Variants in PYGL observed in about 807,000 individuals in gnomAD.
PYGL encodes the protein glycogen phosphorylase L, also known as glycogen phosphorylase, liver form.
A neutral mutation model predicts 100.1 loss-of-function variants in PYGL; 90 were observed. The ratio of observed to expected loss-of-function variants is 0.90; its 90% CI spans 0.76 to 1.07. The LOEUF (loss-of-function observed/expected upper bound fraction) is 1.07. PYGL is among the 50% of genes least tolerant of loss of function. PYGL has a pLI of 0.00. For missense variants in PYGL, 1,016 were observed against 1,057.6 expected (o/e 0.96, Z 0.55); for synonymous variants, 373 against 393.0 (o/e 0.95, Z 0.60).
At position 50,910,811 on chromosome 14, in the gene PYGL, C is replaced by A. The variant is rs947367279; in HGVS notation, c.1970-709G>T. 3.3e-5 allele frequency among the ~76,000 whole-genome samples: 5 copies of A among 152,168 alleles called. No individual in the cohort carries two copies. In the South Asian group the frequency reaches 1.0e-3, roughly 32 times the overall value. ...TTTTCCTGCAGGGAAATAAGCCACA[C>A]GTAATTGAGGTGTGCCTGGGGCTAG... On this transcript the variant is annotated intron_variant, in intron 16 of 19. Coordinates refer to ENST00000216392, the MANE Select transcript of PYGL (RefSeq NM_002863.5).
chr14:50,924,111 A>G lies in PYGL; in HGVS notation c.529-11T>C, dbSNP rs201122669. The G allele has an allele frequency of 2.0e-4, 323 of 1,612,918 alleles. No homozygotes were observed. Among genetic ancestry groups the G allele is most frequent in the Non-Finnish European group, 2.7e-4 (315 of 1,179,184 alleles). ...ATCTGCTTCTTCTACCTGCAAAAGG[A>G]TACAGTATTGCTTAGAATTTATTTG... is the stretch of plus-strand genomic sequence containing the variant. On this transcript the variant is annotated splice_polypyrimidine_tract_variant and intron_variant, in intron 4 of 19. Transcript: ENST00000216392.
intron 8 of PYGL, 85 bp from the exon 9 acceptor site, chr14:50,916,819 G>A (rs2050455880): frequency 6.5e-7 from 1 of 1,541,330 alleles, no homozygotes; most frequent in Non-Finnish European, 9.0e-7. Flanking sequence ...AGAAAGCACT[G>A]ATATGCCCAC....
At chr14:50,919,666 G>GGTGT (rs35650221) in intron 7 of PYGL, among the ~76,000 whole-genome samples, 168 of 148,760 alleles carry the variant, frequency 1.1e-3, no homozygotes, top group African/African-American at 3.7e-3. Context: ...AGTTCCAAGT[G>GGTGT]GTGTGTGTGT....
Sources: allele counts gnomAD v4.1 joint callset (sites outside exome capture counted in the v4.1 genomes callset), GRCh38; gene constraint gnomAD v4.1.1; transcripts MANE v1.5; gene names NCBI Gene and HGNC (gene_info 2026-07-23, HGNC 2026-07-21).